WDR7: variants seen among roughly 807,000 people sequenced by gnomAD.
WDR7 encodes the protein WD repeat domain 7.
WDR7 carries 46 observed loss-of-function variants against 169.4 expected under a neutral mutation model. The ratio of observed to expected loss-of-function variants is 0.27; its 90% CI spans 0.21 to 0.35. WDR7 has a LOEUF of 0.35. Ranked by LOEUF, WDR7 falls within the 10% of genes least tolerant of loss-of-function variation. The pLI, the probability that WDR7 is intolerant of heterozygous loss-of-function variation, is 1.00. For synonymous variants in WDR7, 612 were observed against 666.8 expected (o/e 0.92, Z 1.27); for missense variants, 1,534 against 1,859.3 (o/e 0.83, Z 3.22).
intron 20 of WDR7, among the ~76,000 whole-genome samples, chr18:56,842,442 A>T (rs1228307177): frequency 6.6e-6 from 1 of 152,194 alleles, no homozygotes; most frequent in African/African-American, 2.4e-5. Context: ...AAGGTCCCAC[A>T]CTTCTCAACA....
chr18:57,013,716 G>A (rs2145921765), intron 26 of WDR7, among the ~76,000 whole-genome samples: 1 of 152,318 alleles, frequency 6.6e-6, no homozygotes, highest in East Asian at 1.9e-4. Context: ...TAGAGCAGGG[G>A]TTGATCATCT....
At chr18:56,807,147 CA>C (rs566956902) in intron 19 of WDR7, among the ~76,000 whole-genome samples, 1,881 of 84,158 alleles carry the variant, frequency 0.022, 18 homozygotes, top group African/African-American at 0.052. Flanking sequence ...TGATCCTAGC[CA>C]AAAAAAAAAA....
At chr18:56,796,516 A>G (rs924279652) in intron 19 of WDR7, among the ~76,000 whole-genome samples, 1 of 152,222 alleles carries the variant, frequency 6.6e-6, no homozygotes, top group African/African-American at 2.4e-5. Flanking sequence ...TTCTGCATTG[A>G]TAACTGTGGT....
chr18:56,837,490 T>C (rs991047814), intron 20 of WDR7, among the ~76,000 whole-genome samples: 4 of 152,232 alleles, frequency 2.6e-5, no homozygotes, highest in African/African-American at 9.6e-5. Context: ...TAATTTTGAT[T>C]AGTATATTAA....
intron 16 of WDR7, among the ~76,000 whole-genome samples, chr18:56,774,411 G>A (rs907844784): frequency 2.6e-5 from 4 of 152,000 alleles, no homozygotes; most frequent in Admixed American, 6.6e-5. Context: ...CAGTTGAAGC[G>A]GCTCAGATAA....
At chr18:56,866,802 G>T (rs1054747516) in intron 20 of WDR7, among the ~76,000 whole-genome samples, 2 of 151,844 alleles carry the variant, frequency 1.3e-5, no homozygotes, top group Non-Finnish European at 1.5e-5. Flanking sequence ...TTTTTGTCCT[G>T]CCAGAGAGTC....
chr18:56,806,980 A>G (rs540806756), intron 19 of WDR7, among the ~76,000 whole-genome samples: 5 of 152,158 alleles, frequency 3.3e-5, no homozygotes, highest in African/African-American at 1.2e-4. Context: ...ACACATCTTA[A>G]CATCCCCTTT....
At chr18:56,907,985 A>G (rs959861161) in intron 21 of WDR7, among the ~76,000 whole-genome samples, 2 of 152,126 alleles carry the variant, frequency 1.3e-5, no homozygotes, top group African/African-American at 4.8e-5. Flanking sequence ...GATAACCATA[A>G]CATCTGTTTG....
intron 2 of WDR7, among the ~76,000 whole-genome samples, chr18:56,673,433 A>G (rs935636834): frequency 3.3e-5 from 5 of 152,186 alleles, no homozygotes; most frequent in Admixed American, 3.3e-4. Flanking sequence ...TCTGTTTCAA[A>G]TGCACGTTTT....
chr18:56,787,268 G>A (rs1196658712), intron 19 of WDR7, among the ~76,000 whole-genome samples: 1 of 152,044 alleles, frequency 6.6e-6, no homozygotes, highest in Non-Finnish European at 1.5e-5. Context: ...GACCTTACAG[G>A]GCATGAGGTC....
chr18:56,698,755 C>T (rs2144654875), intron 12 of WDR7, among the ~76,000 whole-genome samples: 1 of 152,214 alleles, frequency 6.6e-6, no homozygotes, highest in Non-Finnish European at 1.5e-5. Flanking sequence ...TTGGACAAGC[C>T]AAAAGCGGTA....
intron 26 of WDR7, among the ~76,000 whole-genome samples, chr18:56,992,089 A>G (rs907918187): frequency 6.6e-6 from 1 of 152,250 alleles, no homozygotes. Context: ...AAAAAGAATA[A>G]TTTAGCTAAT....
At chr18:56,812,715 C>T (rs1305651842) in intron 19 of WDR7, among the ~76,000 whole-genome samples, 1 of 152,084 alleles carries the variant, frequency 6.6e-6, no homozygotes, top group Non-Finnish European at 1.5e-5. Context: ...GTTCTGATGT[C>T]CAAGGGCAGA....
chr18:56,754,443 T>A (rs1239966967), intron 14 of WDR7, among the ~76,000 whole-genome samples: 1 of 151,792 alleles, frequency 6.6e-6, no homozygotes, highest in African/African-American at 2.4e-5. Context: ...GCAGTCTTTC[T>A]TGCCATGCCA....
intron 25 of WDR7, among the ~76,000 whole-genome samples, chr18:56,953,521 A>G (rs1415515774): frequency 1.4e-4 from 21 of 152,256 alleles, no homozygotes; most frequent in Admixed American, 1.4e-3. Context: ...AAAATTTCCA[A>G]TTCATTCAAT....
rs374352645 is a variant in WDR7 at position 56,727,373 on chromosome 18, A to G, written c.1775-4010A>G. 6.6e-5 allele frequency among the ~76,000 whole-genome samples: 10 copies of G among 152,078 alleles called. No homozygotes were observed. The South Asian group carries it at 2.1e-3, about 32-fold the overall frequency. ...TTTTTTCTATCTTTTGAACCTCTGTATTAGTCCATTCTCATGCTACTGTGA... is the reference window on the plus strand; with the variant it reads ...TTTTTTCTATCTTTTGAACCTCTGTGTTAGTCCATTCTCATGCTACTGTGA... On this transcript the variant is annotated intron_variant, in intron 13 of 27. Transcript: ENST00000254442.
At chr18:56,676,228 T>G (rs1022854149) in intron 2 of WDR7, among the ~76,000 whole-genome samples, 5 of 152,308 alleles carry the variant, frequency 3.3e-5, no homozygotes, top group African/African-American at 1.2e-4. Flanking sequence ...GAATATCTTT[T>G]TTCATCCCTT....
At chr18:56,754,275 GTGTGTGTGTGTA>G (rs1443098572) in intron 14 of WDR7, among the ~76,000 whole-genome samples, 192 of 145,660 alleles carry the variant, frequency 1.3e-3, no homozygotes, top group Non-Finnish European at 1.7e-3. Context: ...GTGTGTGTGT[GTGTGTGTGTGTA>G]TATGTGTGTG....
At chr18:56,995,065 A>G (rs1234807446) in intron 26 of WDR7, among the ~76,000 whole-genome samples, 1 of 152,228 alleles carries the variant, frequency 6.6e-6, no homozygotes, top group East Asian at 1.9e-4. Context: ...ATGAGAGAAA[A>G]AAAACTTCCT....
Sources: allele counts gnomAD v4.1 joint callset (sites outside exome capture counted in the v4.1 genomes callset), GRCh38; gene constraint gnomAD v4.1.1; transcripts MANE v1.5; gene names NCBI Gene and HGNC (gene_info 2026-07-23, HGNC 2026-07-21).